PPP2R5E: variants seen among roughly 807,000 people sequenced by gnomAD.
PPP2R5E encodes the protein protein phosphatase 2 regulatory subunit B'epsilon.
A neutral mutation model predicts 65.3 loss-of-function variants in PPP2R5E; 4 were observed. The observed-to-expected ratio is 0.06, with a 90% confidence interval of 0.03 to 0.14. The LOEUF is 0.14. PPP2R5E is among the 10% of genes least tolerant of loss of function. The pLI, the probability that PPP2R5E is intolerant of heterozygous loss-of-function variation, is 1.00. For synonymous variants in PPP2R5E, 183 were observed against 187.4 expected (o/e 0.98, Z 0.19); for missense variants, 274 against 556.1 (o/e 0.49, Z 5.10).
chr14:63,439,982 C>T (rs1229926554), intron 3 of PPP2R5E, among the ~76,000 whole-genome samples: 4 of 152,198 alleles, frequency 2.6e-5, no homozygotes, highest in East Asian at 1.9e-4. Flanking sequence ...TTTCCATATA[C>T]GTTTTCTGTG....
chr14:63,511,598 C>T (rs959320303), intron 2 of PPP2R5E, among the ~76,000 whole-genome samples: 2 of 152,130 alleles, frequency 1.3e-5, no homozygotes, highest in Non-Finnish European at 2.9e-5. Context: ...TCCCCCAAAT[C>T]GAATGCAAGC....
intron 3 of PPP2R5E, among the ~76,000 whole-genome samples, chr14:63,447,001 T>A (rs1487100353): frequency 1.3e-5 from 2 of 152,276 alleles, no homozygotes; most frequent in Admixed American, 1.3e-4. Context: ...GAATATTTGG[T>A]GGACCATGTG....
intron 3 of PPP2R5E, among the ~76,000 whole-genome samples, chr14:63,440,263 T>C (rs1311366276): frequency 6.6e-6 from 1 of 152,146 alleles, no homozygotes; most frequent in Non-Finnish European, 1.5e-5. Context: ...AATCACTATT[T>C]ACTTTTCCAG....
At chr14:63,519,268 C>A (rs1363089377) in intron 2 of PPP2R5E, among the ~76,000 whole-genome samples, 1 of 152,106 alleles carries the variant, frequency 6.6e-6, no homozygotes, top group African/African-American at 2.4e-5. Flanking sequence ...TTCCTTATGA[C>A]TGGGTAGGGG....
chr14:63,376,865 A>G (rs1198706283), intron 13 of PPP2R5E, among the ~76,000 whole-genome samples: 2 of 152,186 alleles, frequency 1.3e-5, no homozygotes, highest in Non-Finnish European at 2.9e-5. Context: ...TGTTGCAGCG[A>G]ACCAATAAAA....
chr14:63,469,111 A>G (rs1467159137), intron 2 of PPP2R5E, among the ~76,000 whole-genome samples: 2 of 152,190 alleles, frequency 1.3e-5, no homozygotes, highest in Admixed American at 6.5e-5. Flanking sequence ...TTTACAGAAC[A>G]CTTTTTACAT....
chr14:63,395,409 G>T, intron 6 of PPP2R5E, 124 bp from the exon 7 acceptor site: 1 of 321,506 alleles, frequency 3.1e-6, no homozygotes. Context: ...GGAGGAGAGC[G>T]GGGAAGAGAG....
chr14:63,462,223 A>C (rs138265952), intron 2 of PPP2R5E, among the ~76,000 whole-genome samples: 3,014 of 152,050 alleles, frequency 0.02, 83 homozygotes, highest in African/African-American at 0.064. Flanking sequence ...GGCACCTGCC[A>C]CCTTGCCCGG....
intron 3 of PPP2R5E, among the ~76,000 whole-genome samples, chr14:63,427,345 TTAGA>T (rs1372640747): frequency 6.6e-6 from 1 of 152,176 alleles, no homozygotes; most frequent in East Asian, 1.9e-4. Context: ...TTACAGTATA[TTAGA>T]TACATTTATT....
intron 2 of PPP2R5E, among the ~76,000 whole-genome samples, chr14:63,519,393 C>G (rs999804483): frequency 2.0e-5 from 3 of 151,680 alleles, no homozygotes; most frequent in African/African-American, 7.3e-5. Flanking sequence ...TTCTGTCACC[C>G]AGGCTGGAGT....
chr14:63,438,920 GC>G (rs1398525550), intron 3 of PPP2R5E, among the ~76,000 whole-genome samples: 5 of 151,824 alleles, frequency 3.3e-5, no homozygotes, highest in Admixed American at 1.3e-4. Context: ...TGAACTTAGG[GC>G]AGTATATATA....
chr14:63,533,423 T>C (rs1260835832), intron 2 of PPP2R5E, among the ~76,000 whole-genome samples: 1 of 151,126 alleles, frequency 6.6e-6, no homozygotes, highest in Non-Finnish European at 1.5e-5. Context: ...TAGCCGGGCA[T>C]GGAGGCGCAT....
intron 2 of PPP2R5E, among the ~76,000 whole-genome samples, chr14:63,466,273 C>CAAAAAA (rs550383242): frequency 2.5e-5 from 3 of 118,284 alleles, no homozygotes; most frequent in African/African-American, 6.1e-5. Context: ...TTTAAAAATA[C>CAAAAAA]AAAAAAAAAA....
At chr14:63,418,570 A>G (rs192785795) in intron 4 of PPP2R5E, among the ~76,000 whole-genome samples, 77 of 152,352 alleles carry the variant, frequency 5.1e-4, no homozygotes, top group Non-Finnish European at 8.4e-4. Context: ...GAACTTTAGT[A>G]AGAAGACTAG....
chr14:63,387,923 T>G (rs1464452540), intron 11 of PPP2R5E, among the ~76,000 whole-genome samples: 1 of 152,198 alleles, frequency 6.6e-6, no homozygotes, highest in Non-Finnish European at 1.5e-5. Flanking sequence ...GCCATCTGCA[T>G]GCCAGAAAGC....
At chr14:63,446,828 C>CAA (rs55892835) in intron 3 of PPP2R5E, among the ~76,000 whole-genome samples, 2 of 92,176 alleles carry the variant, frequency 2.2e-5, no homozygotes, top group Non-Finnish European at 4.5e-5. Context: ...GACTCCATCT[C>CAA]AAAAAAAAAA....
intron 2 of PPP2R5E, among the ~76,000 whole-genome samples, chr14:63,493,652 TGC>T (rs1891399684): frequency 7.8e-6 from 1 of 127,478 alleles, no homozygotes; most frequent in Non-Finnish European, 1.5e-5. Context: ...CTGTTAGTTT[TGC>T]ACATGTGGCA....
At position 63,375,705 on chromosome 14, in the gene PPP2R5E, G is replaced by C. The variant is rs1326947523; in HGVS notation, c.*304C>G. 5.0e-6 allele frequency: 1 copy of C among 200,462 alleles called. No individual in the cohort carries two copies. Among genetic ancestry groups the C allele is most frequent in the African/African-American group, 2.3e-5 (1 of 43,194 alleles). 12.4% of individuals were successfully genotyped at this position (200,462 alleles called of 1,614,324 possible). A position where few individuals can be genotyped will look rare whatever the true frequency, so the allele number is the denominator to read the frequency against. On this transcript the variant is annotated 3_prime_UTR_variant, in exon 14 of 14. Transcript: ENST00000337537. ...TGATAAATAAGGAACTCCCGATAAT[G>C]GAATTTTAACATAGCAATTTCATCA...
intron 5 of PPP2R5E, among the ~76,000 whole-genome samples, chr14:63,407,116 C>T (rs528376610): frequency 6.6e-6 from 1 of 152,264 alleles, no homozygotes; most frequent in East Asian, 1.9e-4. Flanking sequence ...TCCACAACAA[C>T]CTTACAATGT....
Sources: gnomAD v4.1 joint callset for allele counts (sites outside exome capture counted in the v4.1 genomes callset) on GRCh38, gnomAD v4.1.1 for gene constraint, MANE v1.5 for transcripts, NCBI Gene and HGNC (gene_info 2026-07-23, HGNC 2026-07-21) for gene names.